Variants in ASCC3 observed in about 807,000 individuals in gnomAD.
The protein encoded by ASCC3 is activating signal cointegrator 1 complex subunit 3.
A neutral mutation model predicts 256.3 loss-of-function variants in ASCC3; 158 were observed. That is an observed-to-expected ratio of 0.62 (90% CI 0.54 to 0.70). The LOEUF is 0.70. Ranked by LOEUF, ASCC3 falls within the 30% of genes least tolerant of loss-of-function variation. The pLI is 0.00. For synonymous variants in ASCC3, 948 were observed against 883.4 expected (o/e 1.07, Z -1.30); for missense variants, 2,259 against 2,626.0 (o/e 0.86, Z 3.05).
At chr6:100,798,154 A>G (rs1190621006) in intron 8 of ASCC3, among the ~76,000 whole-genome samples, 2 of 152,128 alleles carry the variant, frequency 1.3e-5, no homozygotes, top group African/African-American at 2.4e-5. Flanking sequence ...ATTAACTTTC[A>G]ATAATATGAA....
At chr6:100,771,848 T>C (rs1781942801) in intron 8 of ASCC3, among the ~76,000 whole-genome samples, 1 of 150,598 alleles carries the variant, frequency 6.6e-6, no homozygotes, top group South Asian at 2.1e-4. Flanking sequence ...ACAATCACTT[T>C]AATAAAACAA....
chr6:100,726,702 C>T (rs1582766329), intron 10 of ASCC3, among the ~76,000 whole-genome samples: 1 of 152,016 alleles, frequency 6.6e-6, no homozygotes, highest in Non-Finnish European at 1.5e-5. Flanking sequence ...ATTTATAATA[C>T]TATTTTACTA....
intron 36 of ASCC3, among the ~76,000 whole-genome samples, chr6:100,579,295 C>T (rs1000868175): frequency 6.6e-6 from 1 of 151,458 alleles, no homozygotes; most frequent in Non-Finnish European, 1.5e-5. Flanking sequence ...TGTAGGCTGT[C>T]TGTTTACTCT....
intron 32 of ASCC3, among the ~76,000 whole-genome samples, chr6:100,606,319 T>C (rs1772885482): frequency 2.0e-5 from 3 of 152,112 alleles, no homozygotes. Flanking sequence ...TCTTCATGCA[T>C]AAGTTGTAGC....
At chr6:100,619,015 C>G (rs1451309425) in intron 30 of ASCC3, among the ~76,000 whole-genome samples, 1 of 152,152 alleles carries the variant, frequency 6.6e-6, no homozygotes, top group African/African-American at 2.4e-5. Flanking sequence ...ATTAAAGATT[C>G]AGAATGGCAG....
chr6:100,576,129 A>G (rs1770846041), intron 36 of ASCC3, among the ~76,000 whole-genome samples: 1 of 152,086 alleles, frequency 6.6e-6, no homozygotes, highest in Non-Finnish European at 1.5e-5. Context: ...ATGGAGCAAG[A>G]CAGATGTAAT....
chr6:100,721,505 G>T (rs1779330413), intron 11 of ASCC3, among the ~76,000 whole-genome samples: 1 of 151,584 alleles, frequency 6.6e-6, no homozygotes, highest in Non-Finnish European at 1.5e-5. Flanking sequence ...ATGCCTTGTA[G>T]GAATAATGGA....
chr6:100,624,517 A>C (rs577179951), intron 30 of ASCC3, among the ~76,000 whole-genome samples: 28 of 152,156 alleles, frequency 1.8e-4, no homozygotes, highest in African/African-American at 6.7e-4. Context: ...ATTTCTGATA[A>C]TTCATACATC....
At chr6:100,529,724 C>T (rs1774771636) in intron 37 of ASCC3, among the ~76,000 whole-genome samples, 1 of 152,146 alleles carries the variant, frequency 6.6e-6, no homozygotes, top group Admixed American at 6.5e-5. Context: ...ACAAAGGAAA[C>T]ACAGTCAAAT....
rs1461364720 is a variant in ASCC3 at position 100,718,059 on chromosome 6, T to TAA, written c.2079+14_2079+15dup. On this transcript the variant is annotated intron_variant, in intron 12 of 41. Coordinates refer to ENST00000369162, the MANE Select transcript of ASCC3 (RefSeq NM_006828.4). ...AACAAAAATATTTTTAGATAAGAAT[T>TAA]AAAATGAGTATTTACCTTATTTGCA... is the stretch of plus-strand genomic sequence containing the variant. 1.2e-6 allele frequency: 2 copies of TAA among 1,609,146 alleles called. No homozygotes were observed. Among genetic ancestry groups the TAA allele is most frequent in the African/African-American group, 2.7e-5 (2 of 74,832 alleles).
At chr6:100,656,722 T>C (rs1281793816) in intron 16 of ASCC3, among the ~76,000 whole-genome samples, 1 of 151,306 alleles carries the variant, frequency 6.6e-6, no homozygotes, top group Non-Finnish European at 1.5e-5. Flanking sequence ...CAATGAAAAG[T>C]TTCTTAGAAA....
chr6:100,568,489 T>A (rs1770390327), intron 36 of ASCC3, among the ~76,000 whole-genome samples: 1 of 152,114 alleles, frequency 6.6e-6, no homozygotes, highest in Non-Finnish European at 1.5e-5. Flanking sequence ...TGCTTGTATG[T>A]CTTCTTTTGA....
chr6:100,689,327 GC>G (rs2114981510), intron 13 of ASCC3, among the ~76,000 whole-genome samples: 1 of 152,220 alleles, frequency 6.6e-6, no homozygotes, highest in South Asian at 2.1e-4. Context: ...TAACCACATA[GC>G]GAGGTAGGTA....
chr6:100,638,918 C>T (rs180714537), intron 24 of ASCC3, 97 bp from the exon 25 acceptor site: 193 of 1,065,628 alleles, frequency 1.8e-4, no homozygotes, highest in Non-Finnish European at 2.6e-4. Flanking sequence ...ATCCTTAGTT[C>T]CTTAGACAAG....
At chr6:100,708,534 C>T (rs1778712341) in intron 13 of ASCC3, among the ~76,000 whole-genome samples, 1 of 152,072 alleles carries the variant, frequency 6.6e-6, no homozygotes, top group Non-Finnish European at 1.5e-5. Flanking sequence ...ACCAAGGGCA[C>T]TTATGTACCC....
At chr6:100,602,723 T>C (rs919251668) in intron 33 of ASCC3, among the ~76,000 whole-genome samples, 7 of 152,110 alleles carry the variant, frequency 4.6e-5, no homozygotes, top group African/African-American at 1.4e-4. Flanking sequence ...GTATTAGGTG[T>C]TGTGGAGTAC....
chr6:100,632,798 C>T (rs953608146), intron 25 of ASCC3, among the ~76,000 whole-genome samples: 2 of 151,970 alleles, frequency 1.3e-5, no homozygotes, highest in Non-Finnish European at 2.9e-5. Context: ...CTGCCATACA[C>T]CATATACAAA....
At chr6:100,741,526 C>T (rs899473286) in intron 10 of ASCC3, among the ~76,000 whole-genome samples, 3 of 152,138 alleles carry the variant, frequency 2.0e-5, no homozygotes, top group South Asian at 2.1e-4. Context: ...CCCAATCAGT[C>T]GTAGGATCAG....
At chr6:100,608,076 ATATG>A (rs1449508898) in intron 30 of ASCC3, among the ~76,000 whole-genome samples, 1 of 103,966 alleles carries the variant, frequency 9.6e-6, no homozygotes, top group Non-Finnish European at 1.9e-5. Flanking sequence ...ATATACATAT[ATATG>A]TATATATATC....
Sources: gnomAD v4.1 joint callset for allele counts (sites outside exome capture counted in the v4.1 genomes callset) on GRCh38, gnomAD v4.1.1 for gene constraint, MANE v1.5 for transcripts, NCBI Gene and HGNC (gene_info 2026-07-23, HGNC 2026-07-21) for gene names.